Variants in BANK1 observed in about 807,000 individuals in gnomAD.
The protein encoded by BANK1 is B cell scaffold protein with ankyrin repeats 1, also known as B-cell scaffold protein with ankyrin repeats.
BANK1 carries 95 observed loss-of-function variants against 94.5 expected under a neutral mutation model. That is an observed-to-expected ratio of 1.00 (90% CI 0.85 to 1.19). The LOEUF is 1.19. Ranked by LOEUF, BANK1 falls within the 50% of genes most tolerant of loss-of-function variation. BANK1 has a pLI of 0.00. For missense variants in BANK1, 987 were observed against 932.2 expected, an observed-to-expected ratio of 1.06 and a Z score of -0.77; for synonymous variants, 334 against 308.4, an observed-to-expected ratio of 1.08 and a Z score of -0.87.
At chr4:101,994,666 A>G (rs575963287) in intron 7 of BANK1, among the ~76,000 whole-genome samples, 7 of 152,340 alleles carry the variant, frequency 4.6e-5, no homozygotes, top group Non-Finnish European at 7.3e-5. Context: ...GTAGATGAGG[A>G]AAAACACTCA....
In BANK1 at chr4:101,839,936, A is replaced by ATTTATTTATTTATTT. The variant is rs1305309687; in HGVS notation, c.469+9730_469+9731insTTTATTTATTTATTT. Among the ~76,000 whole-genome samples the ATTTATTTATTTATTT allele has an allele frequency of 1.3e-4, 10 of 78,948 alleles. 1 individual carries two copies. Among genetic ancestry groups the ATTTATTTATTTATTT allele is most frequent in the African/African-American group, 4.2e-4 (9 of 21,658 alleles). The allele number at this position is 78,948 out of a possible 152,430, so 51.8% of individuals were successfully genotyped here. Reference sequence around the variant, plus strand: ...AGCTACTATATAATTTCAAATATTTAATTTTTTTTTTTTTTTTTTTTTTTT... The same window carrying ATTTATTTATTTATTT: ...AGCTACTATATAATTTCAAATATTTATTTATTTATTTATTTATTTTTTTTTTTTTTTTTTTTTTTT... On this transcript the variant is annotated intron_variant, in intron 2 of 16. Coordinates refer to ENST00000322953, the MANE Select transcript of BANK1 (RefSeq NM_017935.5).
intron 11 of BANK1, among the ~76,000 whole-genome samples, chr4:102,046,916 G>A (rs1434659857): frequency 6.6e-6 from 1 of 152,130 alleles, no homozygotes; most frequent in African/African-American, 2.4e-5. Context: ...CCATGATAAT[G>A]AATGTGTACA....
Position 101,866,690 on chromosome 4 carries a change from A to G in BANK1, c.764-3815A>G. Among the ~76,000 whole-genome samples, 4 of 113,268 alleles carry G rather than the reference A, an allele frequency of 3.5e-5. 2 individuals carry two copies. The highest frequency in any genetic ancestry group is 7.2e-5 in the Non-Finnish European group (4 of 55,532). 74.3% of individuals were successfully genotyped at this position (113,268 alleles called of 152,430 possible). On this transcript the variant is annotated intron_variant, in intron 4 of 16. Coordinates refer to ENST00000322953, the MANE Select transcript of BANK1 (RefSeq NM_017935.5). ...GTATATACCCAAAGGACTATAAATC[A>G]TGCTGCTATAAAGACACATGCACAC...
At chr4:101,955,279 A>C (rs1330041169) in intron 7 of BANK1, among the ~76,000 whole-genome samples, 2 of 152,174 alleles carry the variant, frequency 1.3e-5, no homozygotes, top group Admixed American at 1.3e-4. Context: ...TTACTGGTGT[A>C]CTACACATTC....
chr4:102,040,287 A>T (rs940164782), intron 10 of BANK1, among the ~76,000 whole-genome samples: 3 of 152,140 alleles, frequency 2.0e-5, no homozygotes, highest in African/African-American at 7.2e-5. Flanking sequence ...GTCATATTCT[A>T]GAGAAAATTT....
chr4:101,866,670 T>A lies in BANK1; in HGVS notation c.764-3835T>A, dbSNP rs1276361687. Among the ~76,000 whole-genome samples, 14 of 49,626 alleles carry A rather than the reference T, an allele frequency of 2.8e-4. 4 individuals are homozygous for A. The highest frequency in any genetic ancestry group is 7.1e-4 in the African/African-American group (5 of 7,014). The allele number at this position is 49,626 out of a possible 152,430, so 32.6% of individuals were successfully genotyped here. A position where few individuals can be genotyped will look rare whatever the true frequency, so the allele number is the denominator to read the frequency against. ...CCCAGCCATCCCATTACTGGGTATATACCCAAAGGACTATAAATCATGCTG... is the reference window on the plus strand; with the variant it reads ...CCCAGCCATCCCATTACTGGGTATAAACCCAAAGGACTATAAATCATGCTG... On this transcript the variant is annotated intron_variant, in intron 4 of 16. Coordinates refer to ENST00000322953, the MANE Select transcript of BANK1 (RefSeq NM_017935.5).
intron 13 of BANK1, among the ~76,000 whole-genome samples, chr4:102,069,126 CA>C (rs1278751902): frequency 6.6e-6 from 1 of 151,976 alleles, no homozygotes; most frequent in African/African-American, 2.4e-5. Flanking sequence ...TCTGAGAAAT[CA>C]GTTATAATTA....
At chr4:101,981,385 AT>A (rs1725320996) in intron 7 of BANK1, among the ~76,000 whole-genome samples, 1 of 152,092 alleles carries the variant, frequency 6.6e-6, no homozygotes, top group Non-Finnish European at 1.5e-5. Context: ...AATAGATTTA[AT>A]AATATTGACC....
Position 102,012,292 on chromosome 4 carries a change from C to T in BANK1, c.1207-9222C>T, listed in dbSNP as rs958175352. Reference sequence around the variant, plus strand: ...ATGTTACCTGCCCTCAAGTTGAAGCCGTCAGGCTAAAAATTGTATTTATTT... The same window carrying T: ...ATGTTACCTGCCCTCAAGTTGAAGCTGTCAGGCTAAAAATTGTATTTATTT... On this transcript the variant is annotated intron_variant, in intron 7 of 16. Coordinates refer to ENST00000322953, the MANE Select transcript of BANK1 (RefSeq NM_017935.5). 4.6e-5 allele frequency among the ~76,000 whole-genome samples: 7 copies of T among 152,098 alleles called. No individual in the cohort carries two copies. In the South Asian group the frequency reaches 6.2e-4, roughly 14 times the overall value.
At chr4:101,837,932 C>T (rs1234773915) in intron 2 of BANK1, among the ~76,000 whole-genome samples, 1 of 141,930 alleles carries the variant, frequency 7.0e-6, no homozygotes, top group Non-Finnish European at 1.5e-5. Flanking sequence ...TTTCCCTCTT[C>T]TCTCTCCCTC....
At chr4:102,041,000 G>T (rs184639493) in intron 10 of BANK1, among the ~76,000 whole-genome samples, 3 of 152,008 alleles carry the variant, frequency 2.0e-5, no homozygotes, top group Non-Finnish European at 4.4e-5. Flanking sequence ...TAGTATTCTG[G>T]TATACAACTT....
intron 7 of BANK1, among the ~76,000 whole-genome samples, chr4:101,979,492 A>G (rs1030860490): frequency 6.6e-6 from 1 of 151,888 alleles, no homozygotes; most frequent in African/African-American, 2.4e-5. Context: ...TCAATATTCA[A>G]CATTTTTTTG....
Position 101,991,307 on chromosome 4 carries a change from C to T in BANK1, c.1207-30207C>T, listed in dbSNP as rs1725697282. ...ACAAACCTAGAGTTGATTATAGTAG[C>T]TTTTAAAACTGTAGTTGATTACAAG... On this transcript the variant is annotated intron_variant, in intron 7 of 16. Transcript: ENST00000322953. Among the ~76,000 whole-genome samples the T allele has an allele frequency of 3.9e-5, 6 of 152,198 alleles. 1 individual carries two copies. The South Asian group carries it at 1.0e-3, about 26-fold the overall frequency.
chr4:102,047,432 C>T (rs947751967), intron 11 of BANK1, among the ~76,000 whole-genome samples: 1 of 151,826 alleles, frequency 6.6e-6, no homozygotes, highest in African/African-American at 2.4e-5. Context: ...AAAGATAGAT[C>T]TTTTTTAAGT....
At chr4:101,973,220 A>G (rs1434986816) in intron 7 of BANK1, among the ~76,000 whole-genome samples, 3 of 152,044 alleles carry the variant, frequency 2.0e-5, no homozygotes, top group African/African-American at 4.8e-5. Flanking sequence ...ATTATTCCAC[A>G]TTGTATTAAT....
intron 5 of BANK1, among the ~76,000 whole-genome samples, chr4:101,891,550 G>A (rs1428307161): frequency 2.0e-5 from 3 of 151,960 alleles, no homozygotes; most frequent in Non-Finnish European, 4.4e-5. Flanking sequence ...AAGTTTCTAG[G>A]AATTATTTCC....
chr4:101,936,409 A>G lies in BANK1; in HGVS notation c.1206+18220A>G, dbSNP rs115727369. 5.7e-3 allele frequency among the ~76,000 whole-genome samples: 852 copies of G among 150,358 alleles called. 13 individuals carry two copies. Among genetic ancestry groups the G allele is most frequent in the East Asian group, 0.056 (285 of 5,060 alleles). On this transcript the variant is annotated intron_variant, in intron 7 of 16. Transcript: ENST00000322953. ...CATACATGCATGTATATATGTGCGT[A>G]TGCATGTATACATGCATGTATAAGA...
Position 102,007,146 on chromosome 4 carries a change from T to TTATATATATATATATATATATATATA in BANK1, c.1207-14344_1207-14343insTATATATATATATATATATATATATA, listed in dbSNP as rs376933355. 1.6e-3 allele frequency among the ~76,000 whole-genome samples: 62 copies of TTATATATATATATATATATATATATA among 37,960 alleles called. 1 individual carries two copies. Among genetic ancestry groups the TTATATATATATATATATATATATATA allele is most frequent in the Non-Finnish European group, 3.1e-3 (45 of 14,696 alleles). 24.9% of individuals were successfully genotyped at this position (37,960 alleles called of 152,430 possible). A position where few individuals can be genotyped will look rare whatever the true frequency, so the allele number is the denominator to read the frequency against. On this transcript the variant is annotated intron_variant, in intron 7 of 16. Coordinates refer to ENST00000322953, the MANE Select transcript of BANK1 (RefSeq NM_017935.5). ...TTTATATATATATAAAAAATATATT[T>TTATATATATATATATATATATATATA]TATATATATATATATATATATATAA...
chr4:102,064,597 A>G (rs1210319377), intron 13 of BANK1, among the ~76,000 whole-genome samples: 1 of 152,252 alleles, frequency 6.6e-6, no homozygotes, highest in African/African-American at 2.4e-5. Flanking sequence ...GCTCTTAATT[A>G]TCAGTGCCTT....
Sources: gnomAD v4.1 joint callset for allele counts (sites outside exome capture counted in the v4.1 genomes callset) on GRCh38, gnomAD v4.1.1 for gene constraint, MANE v1.5 for transcripts, NCBI Gene and HGNC (gene_info 2026-07-23, HGNC 2026-07-21) for gene names.